CNN1: variants seen among roughly 807,000 people sequenced by gnomAD.
CNN1 encodes the protein calponin-1.
CNN1 carries 21 observed loss-of-function variants against 35.3 expected under a neutral mutation model. The observed-to-expected ratio is 0.60, with a 90% confidence interval of 0.42 to 0.86. The LOEUF is 0.86. Ranked by LOEUF, CNN1 falls within the 40% of genes least tolerant of loss-of-function variation. The pLI is 0.00. For missense variants in CNN1, 314 were observed against 400.8 expected (o/e 0.78, Z 1.85); for synonymous variants, 164 against 161.8 (o/e 1.01, Z -0.10).
rs1972658119 is a variant in CNN1 at position 11,549,206 on chromosome 19, T to C, written c.502-117T>C. The C allele has an allele frequency of 8.8e-7, 1 of 1,130,034 alleles. No individual in the cohort carries two copies. The highest frequency in any genetic ancestry group is 1.6e-5 in the African/African-American group (1 of 61,016). 70.0% of individuals were successfully genotyped at this position (1,130,034 alleles called of 1,614,324 possible). The stretch of plus-strand genomic sequence containing the variant: ...CCGTCTCAAAAAAAAATAAATAAAA[T>C]AAAATAAAAATTGAAAAAAATGATA... On this transcript the variant is annotated intron_variant, in intron 5 of 6. Transcript: ENST00000252456. This position sits in a 1 kb window ranked among gnomAD's most constrained non-coding sequence, Gnocchi z 5.2.
rs544822999 is a variant in CNN1, at chr19:11,548,106, C to T, written c.501+199C>T. On this transcript the variant is annotated intron_variant, in intron 5 of 6. Transcript: ENST00000252456. Reference sequence around the variant, plus strand: ...GTGCTTGTTATCAACATACCCTTTCCGCAGATGAGAAAACTGAGACCCGGA... The same window carrying T: ...GTGCTTGTTATCAACATACCCTTTCTGCAGATGAGAAAACTGAGACCCGGA... 4.6e-5 allele frequency among the ~76,000 whole-genome samples: 7 copies of T among 152,268 alleles called. No homozygotes were observed. The East Asian group carries it at 5.8e-4, about 13-fold the overall frequency.
chr19:11,546,626 G>C (rs1235010607), intron 2 of CNN1, 49 bp from the exon 3 acceptor site: 3 of 1,608,300 alleles, frequency 1.9e-6, no homozygotes, highest in Non-Finnish European at 2.6e-6. Context: ...GAGCCACCGT[G>C]CCCAACCCTG....
intron 5 of CNN1, among the ~76,000 whole-genome samples, chr19:11,548,758 A>G (rs1269340176): frequency 4.0e-5 from 6 of 149,312 alleles, no homozygotes; most frequent in African/African-American, 1.5e-4. Context: ...AATTGCTTGA[A>G]CTCAGGAGGC....
intron 2 of CNN1, among the ~76,000 whole-genome samples, chr19:11,544,023 G>GA: frequency 6.6e-6 from 1 of 152,112 alleles, no homozygotes; most frequent in Non-Finnish European, 1.5e-5. Flanking sequence ...TGTGTGCCAG[G>GA]CTCTGGCCTA....
Position 11,546,934 on chromosome 19 carries a change from C to G in CNN1, c.355C>G (p.Gln119Glu). Residue 119 changes from glutamine to glutamate, a missense_variant, in exon 4 of 7, where the codon CAG (glutamine) becomes GAG (glutamate). Coordinates refer to ENST00000252456, the MANE Select transcript of CNN1 (RefSeq NM_001299.6). ...NDLFENTNHT[Q>E]VQSTLLALAS... Reference sequence around the variant, plus strand: ...CCTGTTTGAGAACACCAACCATACACAGGTGCAGTCCACCCTCCTGGCTTT... The same window carrying G: ...CCTGTTTGAGAACACCAACCATACAGAGGTGCAGTCCACCCTCCTGGCTTT... 6.2e-7 allele frequency: 1 copy of G among 1,614,266 alleles called. No homozygotes were observed. Among genetic ancestry groups the G allele is most frequent in the Non-Finnish European group, 8.5e-7 (1 of 1,180,050 alleles).
In CNN1 at chr19:11,547,804, C is replaced by G; in HGVS notation, c.398C>G (p.Thr133Arg). The G allele has an allele frequency of 1.2e-6, 2 of 1,613,348 alleles. No individual in the cohort carries two copies. The highest frequency in any genetic ancestry group is 8.5e-7 in the Non-Finnish European group (1 of 1,179,624). Reference protein sequence around the residue: ...TLLALASMAKTKGNKVNVGVK... With the variant: ...TLLALASMAKRKGNKVNVGVK... ...TTTCCCTGCCCCACCTAGGCGAAGA[C>G]GAAAGGAAACAAGGTGAACGTGGGA... Residue 133 changes from threonine to arginine, a missense_variant, in exon 5 of 7, where the codon ACG becomes AGG. Transcript: ENST00000252456.
intron 2 of CNN1, among the ~76,000 whole-genome samples, chr19:11,543,605 C>T (rs1420067795): frequency 1.3e-5 from 2 of 150,754 alleles, no homozygotes; most frequent in Admixed American, 1.3e-4. Context: ...ACGGTGAAAC[C>T]CTGTCTCTAC....
chr19:11,544,434 G>A (rs1373242233), intron 2 of CNN1, among the ~76,000 whole-genome samples: 7 of 152,106 alleles, frequency 4.6e-5, no homozygotes, highest in Admixed American at 6.6e-5. Flanking sequence ...AGATGAAGTC[G>A]CAGAGTGAAC....
intron 1 of CNN1, chr19:11,540,825 T>A: frequency 5.3e-6 from 2 of 380,180 alleles, no homozygotes; most frequent in Non-Finnish European, 4.8e-6. Flanking sequence ...ACCCCACCCC[T>A]CATCTACATT....
rs369851055 is a variant in CNN1, at chr19:11,546,685, A to C, written c.196A>C (p.Lys66Gln). The part of the protein sequence containing the change: ...DGIILCEFIN[K>Q]LQPGSVKKIN... Reference sequence around the variant, plus strand: ...CCCCACTCTTCTCAGATTCATCAATAAGCTGCAGCCAGGCTCCGTGAAGAA... The same window carrying C: ...CCCCACTCTTCTCAGATTCATCAATCAGCTGCAGCCAGGCTCCGTGAAGAA... Residue 66 changes from lysine to glutamine, a missense_variant, in exon 3 of 7, where the codon AAG becomes CAG. Transcript: ENST00000252456. The C allele has an allele frequency of 3.1e-6, 5 of 1,614,138 alleles. No homozygotes were observed. The East Asian group carries it at 6.7e-5, about 22-fold the overall frequency.
At position 11,550,001 on chromosome 19, in the gene CNN1, G is replaced by GAGC; in HGVS notation, c.*206_*207insAGC. 1 of 700,708 alleles carries GAGC rather than the reference G, an allele frequency of 1.4e-6. No individual in the cohort carries two copies. Among genetic ancestry groups the GAGC allele is most frequent in the Non-Finnish European group, 2.3e-6 (1 of 438,322 alleles). 43.4% of individuals were successfully genotyped at this position (700,708 alleles called of 1,614,324 possible). ...GGACCCTCCGCTCTGTAGTGCTACA[G>GAGC]GGTCCAACATAGAGCCGGGTGTCCC... On this transcript the variant is annotated 3_prime_UTR_variant, in exon 7 of 7. Transcript: ENST00000252456.
At chr19:11,545,548 G>C (rs1376902948) in intron 2 of CNN1, among the ~76,000 whole-genome samples, 1 of 151,742 alleles carries the variant, frequency 6.6e-6, no homozygotes, top group African/African-American at 2.4e-5. Flanking sequence ...GGAGCAGGGT[G>C]AGTTTGATTT....
At chr19:11,539,400 T>A (rs762197426) in intron 1 of CNN1, 5 of 1,063,600 alleles carry the variant, frequency 4.7e-6, no homozygotes, top group Non-Finnish European at 5.7e-6. Context: ...GTGTGGGAGA[T>A]CCTGAAGACA....
chr19:11,548,347 C>T (rs1972638310), intron 5 of CNN1, among the ~76,000 whole-genome samples: 1 of 151,656 alleles, frequency 6.6e-6, no homozygotes, highest in South Asian at 2.1e-4. Context: ...TCAGACCAGC[C>T]TGGGCAAAAT....
chr19:11,542,854 G>A (rs1003699927), intron 2 of CNN1, among the ~76,000 whole-genome samples: 12 of 152,154 alleles, frequency 7.9e-5, no homozygotes, highest in Non-Finnish European at 1.5e-4. Flanking sequence ...GATTATAGGC[G>A]TGAGCCACCG....
At chr19:11,541,397 G>A (rs368101453) in intron 2 of CNN1, among the ~76,000 whole-genome samples, 200 bp downstream of exon 2, 1 of 152,136 alleles carries the variant, frequency 6.6e-6, no homozygotes, top group African/African-American at 2.4e-5. Context: ...CAAGTCCCAC[G>A]TGGTTTCAAG....
rs1423026867 is a variant in CNN1 at position 11,549,196 on chromosome 19, ATAAAT to A, written c.502-126_502-122del. ...GAGCAAGACTCCGTCTCAAAAAAAA[ATAAAT>A]AAAATAAAATAAAAATTGAAAAAAA... On this transcript the variant is annotated intron_variant, in intron 5 of 6. Coordinates refer to ENST00000252456, the MANE Select transcript of CNN1 (RefSeq NM_001299.6). This position sits in a 1 kb window ranked among gnomAD's most constrained non-coding sequence, Gnocchi z 5.2. 3.3e-4 allele frequency: 292 copies of A among 897,334 alleles called. No homozygotes were observed. The highest frequency in any genetic ancestry group is 3.7e-4 in the South Asian group (14 of 37,478). The allele number at this position is 897,334 out of a possible 1,614,324, so 55.6% of individuals were successfully genotyped here.
chr19:11,543,560 C>T (rs1289054458), intron 2 of CNN1, among the ~76,000 whole-genome samples: 1 of 151,362 alleles, frequency 6.6e-6, no homozygotes, highest in Non-Finnish European at 1.5e-5. Context: ...GCAGGCGGAT[C>T]ACGAGGTCAG....
intron 1 of CNN1, chr19:11,539,711 A>AG: frequency 1.3e-6 from 1 of 753,368 alleles, no homozygotes; most frequent in Non-Finnish European, 2.0e-6. Flanking sequence ...CATTTGACAG[A>AG]GGGGAACACT....
Sources: gnomAD v4.1 joint callset for allele counts (sites outside exome capture counted in the v4.1 genomes callset) on GRCh38, gnomAD v4.1.1 for gene constraint, Gnocchi (gnomAD v3.1) non-coding constraint, MANE v1.5 for transcripts, NCBI Gene and HGNC (gene_info 2026-07-23, HGNC 2026-07-21) for gene names.